The following RAD51B variants were observed in gnomAD, a reference collection of about 807,000 sequenced individuals.
RAD51B encodes DNA repair protein RAD51 homolog 2.
RAD51B carries 38 observed loss-of-function variants against 42.2 expected under a neutral mutation model. The observed-to-expected ratio is 0.90, with a 90% CI of 0.70 to 1.18. RAD51B has a LOEUF of 1.18. RAD51B is among the 50% of genes most tolerant of loss of function. The pLI, the probability that RAD51B is intolerant of heterozygous loss-of-function variation, is 0.00. For synonymous variants in RAD51B, 154 were observed against 145.2 expected (o/e 1.06, Z -0.43); for missense variants, 373 against 400.7 (o/e 0.93, Z 0.59).
chr14:68,520,543 C>T (rs562778457), intron 10 of RAD51B, among the ~76,000 whole-genome samples: 2 of 152,282 alleles, frequency 1.3e-5, no homozygotes, highest in Admixed American at 6.5e-5. Context: ...CATATAACTT[C>T]ATCAAATAGG....
intron 7 of RAD51B, among the ~76,000 whole-genome samples, chr14:68,143,176 C>G (rs2078169618): frequency 6.6e-6 from 1 of 152,178 alleles, no homozygotes; most frequent in South Asian, 2.1e-4. Flanking sequence ...TGTCACCTTA[C>G]TTCTCTTAGC....
At chr14:67,847,941 TG>T (rs1394038124) in intron 4 of RAD51B, among the ~76,000 whole-genome samples, 1 of 152,200 alleles carries the variant, frequency 6.6e-6, no homozygotes. Flanking sequence ...AAGAAGAACT[TG>T]TTTTATGAAT....
intron 9 of RAD51B, among the ~76,000 whole-genome samples, chr14:68,439,216 C>T (rs2085223825): frequency 6.6e-6 from 1 of 151,934 alleles, no homozygotes; most frequent in South Asian, 2.1e-4. Flanking sequence ...CTCTGCCTTG[C>T]TTCCAGTGGT....
rs377135097 is a variant in RAD51B at position 67,967,877 on chromosome 14, G to C, written c.756+80673G>C. Reference sequence around the variant, plus strand: ...TAGGCAGTGTCCCAGAAGGGACTCTGTGTGGGGGCTCCAAACCCATATTTC... The same window carrying C: ...TAGGCAGTGTCCCAGAAGGGACTCTCTGTGGGGGCTCCAAACCCATATTTC... On this transcript the variant is annotated intron_variant, in intron 7 of 10. Transcript: ENST00000471583. 1.2e-3 allele frequency among the ~76,000 whole-genome samples: 176 copies of C among 152,354 alleles called. 1 individual carries two copies. Among genetic ancestry groups the C allele is most frequent in the African/African-American group, 2.4e-3 (99 of 41,580 alleles).
At chr14:68,643,216 A>G (rs1472728492) in intron 10 of RAD51B, among the ~76,000 whole-genome samples, 1 of 152,214 alleles carries the variant, frequency 6.6e-6, no homozygotes, top group Non-Finnish European at 1.5e-5. Flanking sequence ...GTTAAGAATT[A>G]TTATATCTTA....
chr14:68,320,207 C>A (rs1053023582), intron 8 of RAD51B, among the ~76,000 whole-genome samples: 11 of 152,148 alleles, frequency 7.2e-5, no homozygotes, highest in African/African-American at 2.4e-4. Context: ...CTGAAACTGG[C>A]CTTAAAGAAT....
intron 9 of RAD51B, among the ~76,000 whole-genome samples, chr14:68,452,578 C>G (rs982723243): frequency 2.0e-5 from 3 of 152,170 alleles, no homozygotes; most frequent in African/African-American, 7.2e-5. Flanking sequence ...GCCTTGCACA[C>G]ATAGGCACTC....
intron 7 of RAD51B, among the ~76,000 whole-genome samples, chr14:68,280,520 T>C (rs565509115): frequency 6.6e-6 from 1 of 152,290 alleles, no homozygotes; most frequent in Non-Finnish European, 1.5e-5. Context: ...GATGATAACG[T>C]TTACCTCACT....
intron 10 of RAD51B, among the ~76,000 whole-genome samples, chr14:68,581,878 G>A (rs2140059993): frequency 6.6e-6 from 1 of 152,256 alleles, no homozygotes; most frequent in South Asian, 2.1e-4. Context: ...TCTGATCTTT[G>A]ACAAACCTGA....
At chr14:68,594,334 G>A in intron 10 of RAD51B, 1 of 612,788 alleles carries the variant, frequency 1.6e-6, no homozygotes. Context: ...GCATTCTTTT[G>A]CACATGTCTA....
At chr14:68,039,760 C>G (rs2076190119) in intron 7 of RAD51B, among the ~76,000 whole-genome samples, 1 of 152,214 alleles carries the variant, frequency 6.6e-6, no homozygotes, top group Admixed American at 6.5e-5. Flanking sequence ...TCATAATATG[C>G]TGTTTCCTAC....
chr14:68,034,787 T>C (rs1273736128), intron 7 of RAD51B, among the ~76,000 whole-genome samples: 1 of 152,180 alleles, frequency 6.6e-6, no homozygotes, highest in Non-Finnish European at 1.5e-5. Flanking sequence ...GGTAATGACA[T>C]TCCCAAGGCA....
At chr14:67,849,718 C>T (rs1227579605) in intron 4 of RAD51B, among the ~76,000 whole-genome samples, 1 of 152,122 alleles carries the variant, frequency 6.6e-6, no homozygotes, top group African/African-American at 2.4e-5. Context: ...TTTTCAGTTC[C>T]AGAAGCTCTA....
chr14:67,910,707 A>G (rs1321400105), intron 7 of RAD51B, among the ~76,000 whole-genome samples: 2 of 152,124 alleles, frequency 1.3e-5, no homozygotes, highest in Non-Finnish European at 2.9e-5. Context: ...AAGATAGCCT[A>G]GTATAATTTA....
chr14:67,986,456 T>G (rs1386092715), intron 7 of RAD51B, among the ~76,000 whole-genome samples: 3 of 152,214 alleles, frequency 2.0e-5, no homozygotes, highest in Non-Finnish European at 4.4e-5. Flanking sequence ...CTGTACTAGT[T>G]GACATGTGTA....
At chr14:68,176,946 A>G (rs529896823) in intron 7 of RAD51B, among the ~76,000 whole-genome samples, 26 of 152,272 alleles carry the variant, frequency 1.7e-4, no homozygotes, top group African/African-American at 6.3e-4. Flanking sequence ...GTTTTTTACT[A>G]GAGATCTGCT....
intron 7 of RAD51B, among the ~76,000 whole-genome samples, chr14:68,018,290 A>G (rs2075809519): frequency 6.6e-6 from 1 of 152,204 alleles, no homozygotes; most frequent in Admixed American, 6.5e-5. Flanking sequence ...ACTTCAATAG[A>G]CAATTTAGAC....
At chr14:68,082,493 T>TTATGTATG (rs140657460) in intron 7 of RAD51B, among the ~76,000 whole-genome samples, 172 of 151,264 alleles carry the variant, frequency 1.1e-3, no homozygotes, top group Middle Eastern at 6.9e-3. Flanking sequence ...ATATATGTAT[T>TTATGTATG]TATGTATGTA....
At chr14:68,265,011 G>A (rs1009231540) in intron 7 of RAD51B, among the ~76,000 whole-genome samples, 1 of 152,178 alleles carries the variant, frequency 6.6e-6, no homozygotes, top group Non-Finnish European at 1.5e-5. Context: ...AAGTGGCTTA[G>A]GTAGAATACT....
Sources: allele counts gnomAD v4.1 joint callset (sites outside exome capture counted in the v4.1 genomes callset), GRCh38; gene constraint gnomAD v4.1.1; transcripts MANE v1.5; gene names NCBI Gene and HGNC (gene_info 2026-07-23, HGNC 2026-07-21).